The following QTMAN variants were observed in gnomAD, a reference collection of about 807,000 sequenced individuals.
QTMAN encodes the protein tRNA-queuosine alpha-mannosyltransferase.
chr2:144,227,666 C>A, the QTMAN span, among the ~76,000 whole-genome samples: 1 of 152,134 alleles, frequency 6.6e-6, no homozygotes, highest in South Asian at 2.1e-4. Context: ...CACATATGCA[C>A]TAACTGTTCA....
chr2:143,969,460 G>C, the QTMAN span, among the ~76,000 whole-genome samples: 2 of 152,312 alleles, frequency 1.3e-5, no homozygotes, highest in South Asian at 4.1e-4. Context: ...CACTGCAATG[G>C]GCTTTGGGGT....
chr2:144,066,451 C>G, the QTMAN span, among the ~76,000 whole-genome samples: 4 of 152,194 alleles, frequency 2.6e-5, no homozygotes, highest in Non-Finnish European at 5.9e-5. Context: ...TTTTTCAGCA[C>G]TTCAAAATGG....
chr2:144,314,865 C>T, the QTMAN span, among the ~76,000 whole-genome samples: 74 of 152,168 alleles, frequency 4.9e-4, no homozygotes, highest in Middle Eastern at 3.4e-3. Context: ...AATTATACTC[C>T]ATAAAGTTAA....
At chr2:144,023,929 T>G in the QTMAN span, among the ~76,000 whole-genome samples, 1 of 152,240 alleles carries the variant, frequency 6.6e-6, no homozygotes. Flanking sequence ...TAAAGTATAG[T>G]GTATATCATC....
chr2:143,983,098 A>C, the QTMAN span, among the ~76,000 whole-genome samples: 1 of 152,206 alleles, frequency 6.6e-6, no homozygotes, highest in South Asian at 2.1e-4. Flanking sequence ...AATAAAGCTT[A>C]GTTGAAAGAG....
the QTMAN span, among the ~76,000 whole-genome samples, chr2:144,252,550 G>C: frequency 6.6e-6 from 1 of 152,092 alleles, no homozygotes; most frequent in African/African-American, 2.4e-5. Context: ...ATACTTATCA[G>C]AATAGCTAAA....
the QTMAN span, among the ~76,000 whole-genome samples, chr2:144,261,416 C>A: frequency 6.6e-6 from 1 of 151,896 alleles, no homozygotes; most frequent in Admixed American, 6.6e-5. Flanking sequence ...TATATCAATG[C>A]ATGTCCTTGG....
the QTMAN span, among the ~76,000 whole-genome samples, chr2:144,113,816 C>G: frequency 6.6e-6 from 1 of 152,204 alleles, no homozygotes; most frequent in Non-Finnish European, 1.5e-5. Flanking sequence ...GCACCTCTGT[C>G]TGCACTTCAT....
the QTMAN span, among the ~76,000 whole-genome samples, chr2:144,031,251 T>C: frequency 1.3e-5 from 2 of 152,028 alleles, no homozygotes; most frequent in Non-Finnish European, 2.9e-5. Flanking sequence ...ACTGCTCTAA[T>C]TGCCATCTAG....
chr2:144,103,276 C>T, the QTMAN span, among the ~76,000 whole-genome samples: 7 of 152,200 alleles, frequency 4.6e-5, no homozygotes, highest in Non-Finnish European at 1.0e-4. Flanking sequence ...GAATACAATG[C>T]TATGTAAAAC....
the QTMAN span, among the ~76,000 whole-genome samples, chr2:144,068,355 T>C: frequency 6.6e-6 from 1 of 152,216 alleles, no homozygotes; most frequent in Non-Finnish European, 1.5e-5. Context: ...ACAGTTCTGT[T>C]TGACTGTATA....
chr2:144,177,300 G>T, the QTMAN span: 6 of 627,812 alleles, frequency 9.6e-6, no homozygotes, highest in East Asian at 1.1e-4. Context: ...TAGACAAACT[G>T]ATTCTAATTT....
At chr2:144,119,499 G>A in the QTMAN span, among the ~76,000 whole-genome samples, 1 of 152,174 alleles carries the variant, frequency 6.6e-6, no homozygotes, top group East Asian at 1.9e-4. Context: ...TACTTCTGGT[G>A]TACCTCATAC....
At chr2:144,305,538 C>T in the QTMAN span, among the ~76,000 whole-genome samples, 3 of 152,108 alleles carry the variant, frequency 2.0e-5, no homozygotes, top group Admixed American at 6.5e-5. Flanking sequence ...AACTGTGACT[C>T]CTTCACTTTT....
the QTMAN span, among the ~76,000 whole-genome samples, chr2:144,218,787 TGATGA>T: frequency 6.6e-6 from 1 of 152,184 alleles, no homozygotes; most frequent in Non-Finnish European, 1.5e-5. Context: ...GGCATTCCCT[TGATGA>T]GATGAAATAA....
At chr2:144,308,755 AAAC>A in the QTMAN span, among the ~76,000 whole-genome samples, 14 of 152,268 alleles carry the variant, frequency 9.2e-5, no homozygotes, top group Admixed American at 1.3e-4. Context: ...CATTTCAAAA[AAAC>A]AACAACAACA....
At chr2:144,289,968 A>C in the QTMAN span, among the ~76,000 whole-genome samples, 1 of 152,224 alleles carries the variant, frequency 6.6e-6, no homozygotes, top group African/African-American at 2.4e-5. Flanking sequence ...TGGATGTGTA[A>C]ACAGACTGTA....
the QTMAN span, among the ~76,000 whole-genome samples, chr2:144,181,676 T>C: frequency 6.6e-6 from 1 of 151,988 alleles, no homozygotes; most frequent in African/African-American, 2.4e-5. Flanking sequence ...CTGGGTGTGG[T>C]GGTGCATGCC....
chr2:143,978,244 G>A, the QTMAN span, among the ~76,000 whole-genome samples: 1 of 152,120 alleles, frequency 6.6e-6, no homozygotes. Flanking sequence ...TGTAATGTTT[G>A]CTTAGATGTG....
Sources: gnomAD v4.1 joint callset for allele counts (sites outside exome capture counted in the v4.1 genomes callset) on GRCh38, gnomAD v4.1.1 for gene constraint, MANE v1.5 for transcripts, NCBI Gene and HGNC (gene_info 2026-07-23, HGNC 2026-07-21) for gene names.